Variants in CENPQ observed in about 807,000 individuals in gnomAD.
CENPQ encodes chromosome 6 open reading frame 139.
CENPQ carries 27 observed loss-of-function variants against 36.6 expected under a neutral mutation model. The observed-to-expected ratio is 0.74, with a 90% CI of 0.54 to 1.02. The LOEUF (loss-of-function observed/expected upper bound fraction) is 1.02, where lower values mean the gene tolerates loss of function less well. Among genes scored for constraint, CENPQ ranks in the 50% least tolerant of loss-of-function variants. The probability of loss-of-function intolerance (pLI) is 0.00; values close to 1 mark genes in which losing one functional copy is unlikely to be tolerated. For synonymous variants in CENPQ, 101 were observed against 101.7 expected, an observed-to-expected ratio of 0.99 and a Z score of 0.04; for missense variants, 306 against 301.8, an observed-to-expected ratio of 1.01 and a Z score of -0.10.
At chr6:49,470,376 G>T in intron 2 of CENPQ, 98 bp downstream of exon 2, 1 of 637,862 alleles carries the variant, frequency 1.6e-6, no homozygotes, top group Non-Finnish European at 2.6e-6. Flanking sequence ...GGCCGAGGTG[G>T]GTGGATCACG....
In CENPQ at chr6:49,473,544, C is replaced by T. The variant is rs1003321165; in HGVS notation, c.347+686C>T. Among the ~76,000 whole-genome samples, 12 of 152,152 alleles carry T rather than the reference C, an allele frequency of 7.9e-5. No individual in the cohort carries two copies. The East Asian group carries it at 9.7e-4, about 12-fold the overall frequency. ...AGCACTAAACATGGAAAGGAAAAAC[C>T]GGTACCAGCCACTGCAAAAACATGC... On this transcript the variant is annotated intron_variant, in intron 5 of 8. Transcript: ENST00000335783.
At chr6:49,479,146 C>T (rs957991101) in intron 5 of CENPQ, among the ~76,000 whole-genome samples, 1 of 152,120 alleles carries the variant, frequency 6.6e-6, no homozygotes, top group Non-Finnish European at 1.5e-5. Context: ...TTTGTCTTAA[C>T]AGTTTAATGA....
intron 8 of CENPQ, 102 bp from the exon 9 acceptor site, chr6:49,492,042 T>A: frequency 1.2e-6 from 1 of 848,680 alleles, no homozygotes; most frequent in Non-Finnish European, 1.8e-6. Context: ...TGAAGTTGGA[T>A]GATAGATACT....
intron 1 of CENPQ, among the ~76,000 whole-genome samples, chr6:49,468,521 G>A (rs1768056236): frequency 6.6e-6 from 1 of 151,918 alleles, no homozygotes; most frequent in Admixed American, 6.6e-5. Context: ...TTAAACCTGG[G>A]AGGCAGAGGT....
At chr6:49,480,807 G>A (rs1459388574) in intron 5 of CENPQ, 144 bp from the exon 6 acceptor site, 1 of 411,084 alleles carries the variant, frequency 2.4e-6, no homozygotes, top group Non-Finnish European at 4.2e-6. Context: ...TTTAGAGGGG[G>A]AGATTTACTG....
rs187746246 is a variant in CENPQ, at chr6:49,474,134, A to C, written c.347+1276A>C. On this transcript the variant is annotated intron_variant, in intron 5 of 8. Coordinates refer to ENST00000335783, the MANE Select transcript of CENPQ (RefSeq NM_018132.4). ...TGAGACAGAAAATTAACAAGGATAT[A>C]CAGTAATTGAACTCAGCTCTGCACC... Among the ~76,000 whole-genome samples the C allele has an allele frequency of 2.9e-3, 436 of 152,178 alleles. 1 individual carries two copies. Among genetic ancestry groups the C allele is most frequent in the African/African-American group, 6.8e-3 (283 of 41,560 alleles).
intron 6 of CENPQ, among the ~76,000 whole-genome samples, chr6:49,484,549 G>T (rs1202760215): frequency 8.5e-5 from 13 of 152,292 alleles, no homozygotes; most frequent in African/African-American, 3.1e-4. Context: ...TAGATGTGGT[G>T]CATAGATTTT....
Position 49,472,877 on chromosome 6 carries a change from TA to T in CENPQ, c.347+23del, listed in dbSNP as rs1231571064. 1.5e-6 allele frequency: 2 copies of T among 1,349,218 alleles called. No individual in the cohort carries two copies. The highest frequency in any genetic ancestry group is 9.9e-7 in the Non-Finnish European group (1 of 1,008,486). The allele number at this position is 1,349,218 out of a possible 1,614,324, so 83.6% of individuals were successfully genotyped here. A position where few individuals can be genotyped will look rare whatever the true frequency, so the allele number is the denominator to read the frequency against. On this transcript the variant is annotated intron_variant, in intron 5 of 8. Transcript: ENST00000335783. ...AGAAAAGGTAATACTATTGCATAAT[TA>T]AAATGATTAAAACATAATTTTTAAA...
intron 1 of CENPQ, among the ~76,000 whole-genome samples, chr6:49,464,043 GT>G (rs1369642169): frequency 1.3e-5 from 2 of 151,962 alleles, no homozygotes; most frequent in Admixed American, 6.6e-5. Context: ...GAGTTTTACT[GT>G]TTTCCCTTGG....
chr6:49,491,690 C>T lies in CENPQ; in HGVS notation c.676-454C>T, dbSNP rs147005282. Among the ~76,000 whole-genome samples the T allele has an allele frequency of 9.7e-3, 1,478 of 152,116 alleles. 21 individuals carry two copies. The highest frequency in any genetic ancestry group is 0.034 in the African/African-American group (1,400 of 41,502). On this transcript the variant is annotated intron_variant, in intron 8 of 8. Transcript: ENST00000335783. ...CAGCACTTTGGGAGGCCAAGGCAGG[C>T]GGATTGCCTGAGGTCAGGAGTTCGA...
At chr6:49,477,280 T>G (rs954418055) in intron 5 of CENPQ, among the ~76,000 whole-genome samples, 6 of 152,010 alleles carry the variant, frequency 3.9e-5, no homozygotes, top group African/African-American at 1.5e-4. Flanking sequence ...GGGACATGGA[T>G]GAAGCTGGAA....
At chr6:49,486,410 T>A (rs142881934) in intron 6 of CENPQ, among the ~76,000 whole-genome samples, 117 of 152,344 alleles carry the variant, frequency 7.7e-4, no homozygotes, top group African/African-American at 2.7e-3. Flanking sequence ...TCTTAGATCC[T>A]ACAACCAATT....
intron 8 of CENPQ, among the ~76,000 whole-genome samples, chr6:49,490,838 CAT>C (rs1768706004): frequency 6.6e-6 from 1 of 152,238 alleles, no homozygotes; most frequent in Admixed American, 6.5e-5. Context: ...CGTCAGAACA[CAT>C]AACAATTACC....
At chr6:49,482,313 G>A (rs1422510992) in intron 6 of CENPQ, among the ~76,000 whole-genome samples, 2 of 152,224 alleles carry the variant, frequency 1.3e-5, no homozygotes, top group African/African-American at 4.8e-5. Flanking sequence ...TGCCACCAAA[G>A]TGGGAGCCCA....
chr6:49,480,292 T>G (rs1279685510), intron 5 of CENPQ, among the ~76,000 whole-genome samples: 1 of 152,206 alleles, frequency 6.6e-6, no homozygotes, highest in Non-Finnish European at 1.5e-5. Flanking sequence ...AAAGCTATTT[T>G]GCAGTCTGCC....
At chr6:49,482,372 C>T (rs777078327) in intron 6 of CENPQ, among the ~76,000 whole-genome samples, 4 of 152,184 alleles carry the variant, frequency 2.6e-5, no homozygotes, top group East Asian at 3.9e-4. Context: ...GCTGCCAGCA[C>T]GCTGTCACCT....
At chr6:49,468,859 A>G (rs1161121407) in intron 1 of CENPQ, among the ~76,000 whole-genome samples, 1 of 152,174 alleles carries the variant, frequency 6.6e-6, no homozygotes, top group Non-Finnish European at 1.5e-5. Context: ...AACTTGAACT[A>G]TTGTACATGT....
intron 1 of CENPQ, among the ~76,000 whole-genome samples, chr6:49,468,930 G>A (rs2127423298): frequency 6.6e-6 from 1 of 152,278 alleles, no homozygotes; most frequent in East Asian, 1.9e-4. Flanking sequence ...TTTTAAGTAG[G>A]GGAAGTATAA....
chr6:49,472,209 T>C, intron 4 of CENPQ, 26 bp downstream of exon 4: 2 of 1,565,780 alleles, frequency 1.3e-6, no homozygotes, highest in Non-Finnish European at 1.7e-6. Context: ...TTCCATTTCA[T>C]TCTTTTGGTT....
Sources: allele counts gnomAD v4.1 joint callset (sites outside exome capture counted in the v4.1 genomes callset), GRCh38; gene constraint gnomAD v4.1.1; transcripts MANE v1.5; gene names NCBI Gene and HGNC (gene_info 2026-07-23, HGNC 2026-07-21).